Variants in PRMT3 observed in about 807,000 individuals in gnomAD.
PRMT3 encodes protein arginine N-methyltransferase 3.
Under a neutral mutation model 71.9 loss-of-function variants are expected in PRMT3, and 62 were observed. The observed-to-expected ratio is 0.86, with a 90% CI of 0.70 to 1.07. The LOEUF (loss-of-function observed/expected upper bound fraction) is 1.07. Ranked by LOEUF, PRMT3 falls within the 50% of genes least tolerant of loss-of-function variation. The pLI is 0.00. For missense variants in PRMT3, 663 were observed against 643.0 expected (o/e 1.03, Z -0.34); for synonymous variants, 213 against 220.4 (o/e 0.97, Z 0.30).
intron 10 of PRMT3, among the ~76,000 whole-genome samples, chr11:20,431,116 G>A (rs1037058934): frequency 1.1e-4 from 16 of 152,112 alleles, no homozygotes; most frequent in African/African-American, 3.4e-4. Context: ...AAGTCCACGA[G>A]GCTTAGCATT....
rs1448652694 is a variant in PRMT3 at position 20,392,914 on chromosome 11, C to T, written c.315C>T (p.Tyr105=). 2 of 1,591,302 alleles carry T rather than the reference C, an allele frequency of 1.3e-6. No individual in the cohort carries two copies. Among genetic ancestry groups the T allele is most frequent in the East Asian group, 2.2e-5 (1 of 44,692 alleles). ...FIRLKNPTVE[Y]MNSIYNPVPW... Reference sequence around the variant, plus strand: ...ATATCCAGAATCCTACAGTTGAGTACATGAATTCCATATACAACCCAGTGC... The same window carrying T: ...ATATCCAGAATCCTACAGTTGAGTATATGAATTCCATATACAACCCAGTGC... Residue 105 remains tyrosine, a synonymous_variant, in exon 5 of 16, where the codon TAC becomes TAT. Coordinates refer to ENST00000331079, the MANE Select transcript of PRMT3 (RefSeq NM_005788.4).
intron 9 of PRMT3, among the ~76,000 whole-genome samples, chr11:20,408,673 C>T (rs11607808): frequency 0.7 from 106,737 of 152,122 alleles, 39,137 homozygotes; most frequent in Non-Finnish European, 0.82. Context: ...TCTTTCCCTA[C>T]GTGCTTAACA....
chr11:20,478,394 G>A (rs1260832195), intron 13 of PRMT3, among the ~76,000 whole-genome samples: 2 of 152,156 alleles, frequency 1.3e-5, no homozygotes, highest in African/African-American at 4.8e-5. Context: ...AGTTAGTGAA[G>A]TAAAGGTAAA....
At position 20,413,499 on chromosome 11, in the gene PRMT3, G is replaced by A. The variant is rs572294888; in HGVS notation, c.893+5467G>A. ...TAAGATTGTTACAGGAATTGTATCC[G>A]TTATGATGCTTTGCAAAATGGCTGG... On this transcript the variant is annotated intron_variant, in intron 9 of 15. Transcript: ENST00000331079. Among the ~76,000 whole-genome samples the A allele has an allele frequency of 4.5e-4, 68 of 152,216 alleles. No individual in the cohort carries two copies. The South Asian group carries it at 0.012, about 28-fold the overall frequency.
chr11:20,420,309 T>C (rs1181724248), intron 9 of PRMT3, among the ~76,000 whole-genome samples: 3 of 152,216 alleles, frequency 2.0e-5, no homozygotes, highest in Non-Finnish European at 4.4e-5. Flanking sequence ...TGATAAAATT[T>C]AGTATCCATT....
chr11:20,500,739 C>T (rs1269887882), intron 15 of PRMT3, among the ~76,000 whole-genome samples: 4 of 152,124 alleles, frequency 2.6e-5, no homozygotes, highest in African/African-American at 7.2e-5. Flanking sequence ...CTAAGTGGAT[C>T]ATAGGTACAA....
chr11:20,445,184 A>G (rs1849997149), intron 10 of PRMT3, among the ~76,000 whole-genome samples: 1 of 152,226 alleles, frequency 6.6e-6, no homozygotes, highest in South Asian at 2.1e-4. Context: ...TTTAAAAAAA[A>G]TCAGTTTCAC....
intron 10 of PRMT3, among the ~76,000 whole-genome samples, chr11:20,427,085 A>G (rs1373019265): frequency 6.6e-6 from 1 of 152,158 alleles, no homozygotes; most frequent in Non-Finnish European, 1.5e-5. Flanking sequence ...GCTATTCATA[A>G]TCTTTAAAAA....
In PRMT3 at chr11:20,403,517, T is replaced by TA. The variant is rs770347235; in HGVS notation, c.771+539dup. On this transcript the variant is annotated intron_variant, in intron 8 of 15. Transcript: ENST00000331079. Reference sequence around the variant, plus strand: ...AATTTTAATATTGGCTCAAGTTATTTAAAAAATGATCTTATACCCTGTGTG... The same window carrying TA: ...AATTTTAATATTGGCTCAAGTTATTTAAAAAAATGATCTTATACCCTGTGTG... Among the ~76,000 whole-genome samples, 5 of 152,276 alleles carry TA rather than the reference T, an allele frequency of 3.3e-5. No individual in the cohort carries two copies. The East Asian group carries it at 7.7e-4, about 23-fold the overall frequency.
Position 20,462,119 on chromosome 11 carries a change from G to C in PRMT3, c.1212G>C (p.Val404=). 6.2e-7 allele frequency: 1 copy of C among 1,612,712 alleles called. No homozygotes were observed. Among genetic ancestry groups the C allele is most frequent in the Non-Finnish European group, 8.5e-7 (1 of 1,179,102 alleles). ...AAGCAGTTATTCCAGAAGCTGTTGT[G>C]GAAGTTTTAGATCCGAAGACTCTTA... The part of the protein sequence containing the change: ...MKKAVIPEAV[V]EVLDPKTLIS... Residue 404 remains valine, a synonymous_variant, in exon 12 of 16, where the codon GTG becomes GTC. Coordinates refer to ENST00000331079, the MANE Select transcript of PRMT3 (RefSeq NM_005788.4).
chr11:20,501,963 C>T (rs536910167), intron 15 of PRMT3, among the ~76,000 whole-genome samples: 1 of 152,182 alleles, frequency 6.6e-6, no homozygotes, highest in African/African-American at 2.4e-5. Context: ...TAAGCTTTGA[C>T]AACAATTAAT....
rs1848935777 is a variant in PRMT3 at position 20,400,956 on chromosome 11, T to C, written c.706-1963T>C. ...AAGGCTACTCTTTTATTTGCTTGCGTTTTCGTATTTATTGGATTTTTTTTT... is the reference window on the plus strand; with the variant it reads ...AAGGCTACTCTTTTATTTGCTTGCGCTTTCGTATTTATTGGATTTTTTTTT... On this transcript the variant is annotated intron_variant, in intron 7 of 15. Coordinates refer to ENST00000331079, the MANE Select transcript of PRMT3 (RefSeq NM_005788.4). Among the ~76,000 whole-genome samples the C allele has an allele frequency of 3.0e-5, 4 of 131,348 alleles. No individual in the cohort carries two copies. The Admixed American group carries it at 3.3e-4, about 11-fold the overall frequency. The allele number at this position is 131,348 out of a possible 152,430, so 86.2% of individuals were successfully genotyped here.
intron 12 of PRMT3, 50 bp from the exon 13 acceptor site, chr11:20,464,410 T>C: frequency 6.5e-7 from 1 of 1,533,144 alleles, no homozygotes. Context: ...TGTTTTTTTT[T>C]TTTGGACTAT....
At chr11:20,504,541 A>G (rs547498795) in intron 15 of PRMT3, among the ~76,000 whole-genome samples, 7 of 152,336 alleles carry the variant, frequency 4.6e-5, no homozygotes, top group East Asian at 1.9e-4. Flanking sequence ...TGTTAAATCA[A>G]TAGATTAGGG....
chr11:20,388,200 G>A (rs1264327098), intron 2 of PRMT3, 46 bp downstream of exon 2: 2 of 1,609,546 alleles, frequency 1.2e-6, no homozygotes, highest in Admixed American at 3.3e-5. Context: ...GTGCCCGGGC[G>A]CGTGGGGTCT....
At chr11:20,398,994 T>G (rs927230371) in intron 7 of PRMT3, among the ~76,000 whole-genome samples, 1 of 152,218 alleles carries the variant, frequency 6.6e-6, no homozygotes, top group African/African-American at 2.4e-5. Context: ...TACTTGATAA[T>G]TATACATTTT....
At chr11:20,475,635 T>C (rs921502995) in intron 13 of PRMT3, among the ~76,000 whole-genome samples, 1 of 149,856 alleles carries the variant, frequency 6.7e-6, no homozygotes, top group Non-Finnish European at 1.5e-5. Context: ...AATAGTGTCA[T>C]GAGAGATACT....
intron 13 of PRMT3, among the ~76,000 whole-genome samples, chr11:20,481,043 T>C (rs2133433464): frequency 6.6e-6 from 1 of 152,228 alleles, no homozygotes; most frequent in East Asian, 1.9e-4. Flanking sequence ...CAAAGAACAT[T>C]TTATGAAAGA....
chr11:20,462,674 G>A (rs1382437579), intron 12 of PRMT3, among the ~76,000 whole-genome samples: 2 of 151,960 alleles, frequency 1.3e-5, no homozygotes, highest in Admixed American at 6.6e-5. Context: ...AATTCCTTTT[G>A]TGTTTTGTCA....
Sources: gnomAD v4.1 joint callset for allele counts (sites outside exome capture counted in the v4.1 genomes callset) on GRCh38, gnomAD v4.1.1 for gene constraint, MANE v1.5 for transcripts, NCBI Gene and HGNC (gene_info 2026-07-23, HGNC 2026-07-21) for gene names.